FARP2: variants seen among roughly 807,000 people sequenced by gnomAD.
FARP2 encodes the protein FERM, ARH/RhoGEF and pleckstrin domain protein 2, also known as FERM, ARHGEF and pleckstrin domain-containing protein 2.
Under a neutral mutation model 130.5 loss-of-function variants are expected in FARP2, and 111 were observed. That is an observed-to-expected ratio of 0.85 (90% CI 0.73 to 1.00). FARP2 has a LOEUF of 1.00. Ranked by LOEUF, FARP2 falls within the 50% of genes least tolerant of loss-of-function variation. FARP2 has a pLI of 0.00. For synonymous variants in FARP2, 504 were observed against 516.9 expected (o/e 0.98, Z 0.34); for missense variants, 1,385 against 1,346.3 (o/e 1.03, Z -0.45).
In FARP2 at chr2:241,423,053, A is replaced by G. The variant is rs769025908; in HGVS notation, c.771+4944A>G. Among the ~76,000 whole-genome samples, 21 of 152,232 alleles carry G rather than the reference A, an allele frequency of 1.4e-4. No homozygotes were observed. In the South Asian group the frequency reaches 1.7e-3, roughly 12 times the overall value. ...GAAAACATACTTTGGGATATCATCC[A>G]GGAGAATTTCCCCAACCTAACGAGA... On this transcript the variant is annotated intron_variant, in intron 8 of 26. Transcript: ENST00000264042.
At chr2:241,442,091 C>T (rs543749982) in intron 13 of FARP2, 296 of 384,560 alleles carry the variant, frequency 7.7e-4, no homozygotes, top group Non-Finnish European at 1.2e-3. Context: ...GAGGTGAAGG[C>T]GCAGGCCAGC....
chr2:241,403,971 G>A (rs1036280727), intron 3 of FARP2, 39 bp downstream of exon 3: 4 of 1,169,696 alleles, frequency 3.4e-6, no homozygotes, highest in Admixed American at 3.5e-5. Context: ...GAGCCTTTGG[G>A]CCTGCTGTGA....
intron 2 of FARP2, among the ~76,000 whole-genome samples, chr2:241,384,011 G>C (rs1559718669): frequency 6.6e-6 from 1 of 151,690 alleles, no homozygotes; most frequent in Non-Finnish European, 1.5e-5. Flanking sequence ...TGCTAACATT[G>C]CCCTTCTGTG....
chr2:241,366,109 A>ATATATATG (rs2061303868), intron 1 of FARP2, among the ~76,000 whole-genome samples: 1 of 16,986 alleles, frequency 5.9e-5, no homozygotes, highest in African/African-American at 2.0e-4. Context: ...AAAAAAATAT[A>ATATATATG]TATATATATA....
intron 8 of FARP2, among the ~76,000 whole-genome samples, chr2:241,428,399 TA>T (rs1419837498): frequency 6.8e-6 from 1 of 148,068 alleles, no homozygotes; most frequent in Non-Finnish European, 1.5e-5. Context: ...CATGTCCAGC[TA>T]ATTTTTTTTT....
intron 14 of FARP2, 81 bp from the exon 15 acceptor site, chr2:241,462,442 C>A: frequency 1.1e-6 from 1 of 942,520 alleles, no homozygotes; most frequent in Non-Finnish European, 1.7e-6. Flanking sequence ...AGAAAGCAAA[C>A]ATTACCAACT....
rs184362152 is a variant in FARP2, at chr2:241,479,361, G to A, written c.2262+3374G>A. Among the ~76,000 whole-genome samples the A allele has an allele frequency of 3.2e-3, 491 of 152,330 alleles. 15 individuals carry two copies. The highest frequency in any genetic ancestry group is 0.027 in the Admixed American group (415 of 15,306). On this transcript the variant is annotated intron_variant, in intron 19 of 26. Transcript: ENST00000264042. ...CGCTTCACTGGCAGGAAGCGGCCACGGCCTCATCGGCATCCAGCACGCCGT... is the reference window on the plus strand; with the variant it reads ...CGCTTCACTGGCAGGAAGCGGCCACAGCCTCATCGGCATCCAGCACGCCGT...
At chr2:241,366,110 T>TATATATAC (rs57640410) in intron 1 of FARP2, among the ~76,000 whole-genome samples, 6 of 55,590 alleles carry the variant, frequency 1.1e-4, no homozygotes, top group East Asian at 9.8e-4. Flanking sequence ...AAAAAATATA[T>TATATATAC]ATATATATAT....
At chr2:241,375,141 C>T (rs771511146) in intron 2 of FARP2, among the ~76,000 whole-genome samples, 40 of 152,132 alleles carry the variant, frequency 2.6e-4, no homozygotes, top group Non-Finnish European at 5.0e-4. Context: ...TTGGTAGAGA[C>T]GGAGTTTCAC....
chr2:241,402,888 T>A (rs1182660032), intron 2 of FARP2, among the ~76,000 whole-genome samples: 66 of 58,604 alleles, frequency 1.1e-3, no homozygotes, highest in East Asian at 2.1e-3. Flanking sequence ...ATATTTTTTT[T>A]TTTTTTTTTT....
chr2:241,471,037 TG>T (rs1335349493), intron 18 of FARP2, among the ~76,000 whole-genome samples: 1 of 150,170 alleles, frequency 6.7e-6, no homozygotes, highest in Non-Finnish European at 1.5e-5. Context: ...AATAGTGTCA[TG>T]GGGGAACATG....
Position 241,413,383 on chromosome 2 carries a change from C to T in FARP2, c.585C>T (p.His195=), listed in dbSNP as rs1461864189. The change falls in exon 7 of 27, where the codon CAC becomes CAT. Residue 195 remains histidine, a synonymous_variant. Transcript: ENST00000264042. The part of the protein sequence containing the change: ...KVNEYLPGQQ[H]CLEKILEFHQ... ...ACGAGTATTTGCCTGGCCAGCAGCA[C>T]TGCCTTGAGAAGATACTAGAATTCC... The T allele has an allele frequency of 6.2e-7, 1 of 1,612,054 alleles. No homozygotes were observed. Among genetic ancestry groups the T allele is most frequent in the East Asian group, 2.2e-5 (1 of 44,892 alleles).
chr2:241,431,632 G>A (rs777602844), intron 8 of FARP2, 47 bp from the exon 9 acceptor site: 1 of 936,918 alleles, frequency 1.1e-6, no homozygotes, highest in South Asian at 1.3e-5. Flanking sequence ...TGAGAAAGGG[G>A]TTATGTGCCA....
intron 24 of FARP2, among the ~76,000 whole-genome samples, chr2:241,492,133 C>T (rs952276437): frequency 3.9e-5 from 6 of 152,188 alleles, no homozygotes; most frequent in African/African-American, 7.2e-5. Flanking sequence ...GCCTGGTGCC[C>T]CCACACCCTT....
At chr2:241,399,457 G>A (rs904144212) in intron 2 of FARP2, among the ~76,000 whole-genome samples, 10 of 152,050 alleles carry the variant, frequency 6.6e-5, no homozygotes, top group Admixed American at 2.0e-4. Context: ...GGCACACGCC[G>A]CCACACCCGG....
intron 13 of FARP2, chr2:241,442,394 A>C (rs1317543501): frequency 1.1e-5 from 5 of 456,578 alleles, no homozygotes; most frequent in South Asian, 7.7e-5. Context: ...TGGGACTCTG[A>C]AACCGAGGCC....
At chr2:241,451,029 T>C (rs912156569) in intron 13 of FARP2, among the ~76,000 whole-genome samples, 1 of 152,206 alleles carries the variant, frequency 6.6e-6, no homozygotes, top group Non-Finnish European at 1.5e-5. Context: ...CATGGCTCAC[T>C]GCAGCCTTGA....
intron 4 of FARP2, among the ~76,000 whole-genome samples, chr2:241,406,307 C>CA (rs1215173521): frequency 2.7e-5 from 4 of 150,388 alleles, no homozygotes; most frequent in South Asian, 2.1e-4. Flanking sequence ...GACTCTGTCT[C>CA]AAAAAAACCA....
chr2:241,478,978 A>G (rs1051850032), intron 19 of FARP2: 7 of 451,118 alleles, frequency 1.6e-5, no homozygotes, highest in Non-Finnish European at 2.9e-5. Flanking sequence ...TGCAAGAACA[A>G]GGTTCAAGGA....
Sources: allele counts gnomAD v4.1 joint callset (sites outside exome capture counted in the v4.1 genomes callset), GRCh38; gene constraint gnomAD v4.1.1; transcripts MANE v1.5; gene names NCBI Gene and HGNC (gene_info 2026-07-23, HGNC 2026-07-21).